Variants in LRRC7 observed in about 807,000 individuals in gnomAD.
The protein encoded by LRRC7 is leucine-rich repeat-containing protein 7.
In LRRC7, 23 loss-of-function variants were observed where a neutral mutation model predicts 175.7. That is an observed-to-expected ratio of 0.13 (90% confidence interval 0.09 to 0.19). The LOEUF is 0.19. Ranked by LOEUF, LRRC7 falls within the 10% of genes least tolerant of loss-of-function variation. LRRC7 has a pLI of 1.00. For missense variants in LRRC7, 1,354 were observed against 1,904.7 expected (o/e 0.71, Z 5.38); for synonymous variants, 685 against 680.9 (o/e 1.01, Z -0.09).
chr1:69,624,229 T>G (rs913230081), intron 1 of LRRC7, among the ~76,000 whole-genome samples: 8 of 152,198 alleles, frequency 5.3e-5, no homozygotes, highest in Admixed American at 2.6e-4. Context: ...CTGGTGGACA[T>G]GTAGTAGAAT....
intron 7 of LRRC7, among the ~76,000 whole-genome samples, chr1:69,889,924 G>T (rs558623235): frequency 6.6e-6 from 1 of 152,298 alleles, no homozygotes; most frequent in South Asian, 2.1e-4. Flanking sequence ...AAAGTTTTAT[G>T]AGATTGCAGC....
chr1:70,041,248 G>C (rs926751608), intron 21 of LRRC7, among the ~76,000 whole-genome samples: 3 of 152,148 alleles, frequency 2.0e-5, no homozygotes, highest in Admixed American at 6.5e-5. Context: ...ACGTTTACAG[G>C]TTTACTCTTT....
At chr1:69,977,483 A>T (rs570817187) in intron 8 of LRRC7, among the ~76,000 whole-genome samples, 47 of 152,328 alleles carry the variant, frequency 3.1e-4, no homozygotes, top group African/African-American at 1.1e-3. Flanking sequence ...TAATGAAGGG[A>T]TGAATAAATT....
rs1294051446 is a variant in LRRC7, at chr1:70,129,834, C to G, written c.*7947C>G. Among the ~76,000 whole-genome samples the G allele has an allele frequency of 1.3e-5, 2 of 152,214 alleles. No individual in the cohort carries two copies. Among genetic ancestry groups the G allele is most frequent in the Non-Finnish European group, 2.9e-5 (2 of 68,050 alleles). On this transcript the variant is annotated 3_prime_UTR_variant, in exon 27 of 27. Transcript: ENST00000651989. The stretch of plus-strand genomic sequence containing the variant: ...TATTCTTCTAAGGAGTTCTGATCCT[C>G]TGAATCTGGAAATTGTTTTCTTTTC...
chr1:69,770,496 A>C (rs1195977158), intron 3 of LRRC7, among the ~76,000 whole-genome samples: 1 of 152,204 alleles, frequency 6.6e-6, no homozygotes, highest in African/African-American at 2.4e-5. Flanking sequence ...GTAGTTTCTC[A>C]AAACTTGAAT....
rs374031421 is a variant in LRRC7, at chr1:69,667,932, G to T, written c.3-10449G>T. Among the ~76,000 whole-genome samples the T allele has an allele frequency of 5.1e-4, 78 of 151,768 alleles. No homozygotes were observed. In the South Asian group the frequency reaches 0.016, roughly 30 times the overall value. ...TTTAGTGAAGGTAATTTTCTCTGGTGATATTATTTAATTCATTGCTTTTTA... is the reference window on the plus strand; with the variant it reads ...TTTAGTGAAGGTAATTTTCTCTGGTTATATTATTTAATTCATTGCTTTTTA... On this transcript the variant is annotated intron_variant, in intron 1 of 26. Coordinates refer to ENST00000651989, the MANE Select transcript of LRRC7 (RefSeq NM_001370785.2).
intron 7 of LRRC7, among the ~76,000 whole-genome samples, chr1:69,853,244 C>T (rs1380949509): frequency 7.1e-6 from 1 of 141,222 alleles, no homozygotes; most frequent in African/African-American, 2.6e-5. Flanking sequence ...TAGCACCTTC[C>T]ATTTGTTTCT....
intron 18 of LRRC7, among the ~76,000 whole-genome samples, chr1:70,029,249 A>T (rs60482157): frequency 0.22 from 34,074 of 152,098 alleles, 3,890 homozygotes; most frequent in African/African-American, 0.24. Flanking sequence ...CTTAAGACAC[A>T]TGAAACAATT....
At chr1:69,913,437 G>A (rs1197143559) in intron 7 of LRRC7, among the ~76,000 whole-genome samples, 1 of 120,436 alleles carries the variant, frequency 8.3e-6, no homozygotes, top group African/African-American at 2.6e-5. Context: ...TCAGACACTA[G>A]GTATTTAATG....
At chr1:69,838,816 G>A (rs1469129305) in intron 7 of LRRC7, among the ~76,000 whole-genome samples, 1 of 151,690 alleles carries the variant, frequency 6.6e-6, no homozygotes, top group Non-Finnish European at 1.5e-5. Context: ...TAAAAATATA[G>A]GATATATTTT....
At chr1:69,941,366 A>T (rs983203289) in intron 8 of LRRC7, among the ~76,000 whole-genome samples, 6 of 152,124 alleles carry the variant, frequency 3.9e-5, no homozygotes, top group African/African-American at 1.2e-4. Flanking sequence ...TAATTACATT[A>T]TCAAGACCAC....
chr1:70,046,561 CA>C (rs1486942522), intron 22 of LRRC7, among the ~76,000 whole-genome samples: 1 of 152,060 alleles, frequency 6.6e-6, no homozygotes, highest in Non-Finnish European at 1.5e-5. Context: ...GATACATAAG[CA>C]GGGCAAGTAA....
chr1:69,826,152 G>A (rs1284764345), intron 5 of LRRC7, among the ~76,000 whole-genome samples: 1 of 152,218 alleles, frequency 6.6e-6, no homozygotes, highest in East Asian at 1.9e-4. Context: ...TGGAAAACTA[G>A]CATCAAGGAC....
chr1:69,872,661 C>G (rs1685669040), intron 7 of LRRC7, among the ~76,000 whole-genome samples: 1 of 151,974 alleles, frequency 6.6e-6, no homozygotes, highest in South Asian at 2.1e-4. Context: ...TCTCAAGATC[C>G]AAATTACACA....
intron 1 of LRRC7, 93 bp downstream of exon 1, chr1:69,568,734 G>A: frequency 3.3e-6 from 3 of 910,446 alleles, no homozygotes; most frequent in Non-Finnish European, 4.2e-6. Context: ...CCCAGAGGCC[G>A]GCCGGGGGCG....
intron 2 of LRRC7, among the ~76,000 whole-genome samples, chr1:69,705,243 A>G (rs191825376): frequency 6.6e-6 from 1 of 152,230 alleles, no homozygotes; most frequent in East Asian, 1.9e-4. Flanking sequence ...GCTCTGCTCT[A>G]CCTTCTCTTT....
At chr1:69,730,441 C>G (rs1462146824) in intron 2 of LRRC7, among the ~76,000 whole-genome samples, 1 of 152,148 alleles carries the variant, frequency 6.6e-6, no homozygotes, top group Non-Finnish European at 1.5e-5. Context: ...CAAAGTTCCA[C>G]AGATCTCAAG....
chr1:70,056,575 A>G (rs749699495), intron 23 of LRRC7, among the ~76,000 whole-genome samples: 6 of 152,176 alleles, frequency 3.9e-5, no homozygotes, highest in Non-Finnish European at 8.8e-5. Context: ...GCGATTGGTA[A>G]TATGAACTTC....
chr1:69,940,029 G>T (rs1223818331), intron 8 of LRRC7, among the ~76,000 whole-genome samples: 2 of 151,908 alleles, frequency 1.3e-5, no homozygotes, highest in Non-Finnish European at 2.9e-5. Flanking sequence ...AAATACATAC[G>T]CACAGGCAAA....
Sources: gnomAD v4.1 joint callset for allele counts (sites outside exome capture counted in the v4.1 genomes callset) on GRCh38, gnomAD v4.1.1 for gene constraint, MANE v1.5 for transcripts, NCBI Gene and HGNC (gene_info 2026-07-23, HGNC 2026-07-21) for gene names.